Variants in CELF2 observed in about 807,000 individuals in gnomAD.
CELF2 encodes CUGBP Elav-like family member 2, also known as CUG triplet repeat RNA-binding protein 2.
In CELF2, 8 loss-of-function variants were observed where a neutral mutation model predicts 62.6. The observed-to-expected ratio is 0.13, with a 90% confidence interval of 0.07 to 0.23. The LOEUF is 0.23. Among genes scored for constraint, CELF2 ranks in the 10% least tolerant of loss-of-function variants. The probability of loss-of-function intolerance (pLI) is 1.00; values close to 1 mark genes in which losing one functional copy is unlikely to be tolerated. For missense variants in CELF2, 333 were observed against 671.0 expected (o/e 0.50, Z 5.56); for synonymous variants, 258 against 250.0 (o/e 1.03, Z -0.30).
At chr10:10,777,047 G>T in the CELF2 span, among the ~76,000 whole-genome samples, 3 of 152,028 alleles carry the variant, frequency 2.0e-5, no homozygotes, top group Non-Finnish European at 2.9e-5. Context: ...ATTCCCATGC[G>T]CTACCCGCCT....
chr10:10,678,942 G>T, the CELF2 span, among the ~76,000 whole-genome samples: 1 of 152,126 alleles, frequency 6.6e-6, no homozygotes, highest in Non-Finnish European at 1.5e-5. Context: ...CAGTAGAACA[G>T]AATTTCTAAG....
At position 10,866,774 on chromosome 10, in the gene CELF2, G is replaced by T. The variant is rs946840530; in HGVS notation, c.54-53190G>T. ...CATCTTTACTAAAAACAAAAAATTA[G>T]ATGGGCATGGTGGCAGGTACCTATA... On this transcript the variant is annotated intron_variant, in intron 1 of 13. Coordinates refer to the CELF2 transcript ENST00000636488. Among the ~76,000 whole-genome samples, 74 of 151,702 alleles carry T rather than the reference G, an allele frequency of 4.9e-4. 3 individuals carry two copies.
chr10:10,523,045 T>C, the CELF2 span, among the ~76,000 whole-genome samples: 2 of 152,190 alleles, frequency 1.3e-5, no homozygotes, highest in African/African-American at 2.4e-5. Flanking sequence ...AAAGTAAGGT[T>C]TGATTCTGGG....
At chr10:11,283,758 G>T (rs113995931) in intron 8 of CELF2, among the ~76,000 whole-genome samples, 1 of 151,910 alleles carries the variant, frequency 6.6e-6, no homozygotes, top group African/African-American at 2.4e-5. Flanking sequence ...GGCTCTGCTT[G>T]TCATTAATCA....
intron 1 of CELF2, among the ~76,000 whole-genome samples, chr10:11,089,087 T>G (rs1176215766): frequency 6.6e-6 from 1 of 152,136 alleles, no homozygotes; most frequent in Non-Finnish European, 1.5e-5. Context: ...AGTTGAACAG[T>G]GCCACTTCTG....
the CELF2 span, chr10:10,784,770 A>C: frequency 1.3e-5 from 2 of 152,202 alleles, no homozygotes; most frequent in African/African-American, 4.8e-5. Flanking sequence ...ACCTGTTCCC[A>C]TTTAGGGCCA....
chr10:10,761,954 G>GTGTGTGTGTGTA, the CELF2 span, among the ~76,000 whole-genome samples: 27 of 141,562 alleles, frequency 1.9e-4, no homozygotes, highest in East Asian at 6.1e-4. Flanking sequence ...GTGTGTGTGT[G>GTGTGTGTGTGTA]TAGACAGATA....
chr10:10,695,833 C>G, the CELF2 span, among the ~76,000 whole-genome samples: 1 of 151,790 alleles, frequency 6.6e-6, no homozygotes, highest in African/African-American at 2.4e-5. Context: ...TCACGTAGTT[C>G]TCGAGCCTTG....
chr10:11,028,331 G>C (rs944487599), intron 1 of CELF2, among the ~76,000 whole-genome samples: 1 of 152,060 alleles, frequency 6.6e-6, no homozygotes, highest in Non-Finnish European at 1.5e-5. Flanking sequence ...TCAGCCACAC[G>C]ATATGAAGGC....
chr10:10,527,490 A>C, the CELF2 span, among the ~76,000 whole-genome samples: 2 of 152,118 alleles, frequency 1.3e-5, no homozygotes, highest in East Asian at 3.8e-4. Context: ...TTTAAAAATA[A>C]AAGTATTAAT....
chr10:10,531,670 C>T, the CELF2 span, among the ~76,000 whole-genome samples: 1,447 of 152,206 alleles, frequency 9.5e-3, 25 homozygotes, highest in African/African-American at 0.034. Context: ...GTGAATTCTG[C>T]GGGAGGAAGA....
chr10:10,730,067 C>T, the CELF2 span, among the ~76,000 whole-genome samples: 23 of 152,270 alleles, frequency 1.5e-4, no homozygotes, highest in Middle Eastern at 3.4e-3. Context: ...CCCAAGATTA[C>T]GGAAGTTCTG....
the CELF2 span, among the ~76,000 whole-genome samples, chr10:10,713,264 G>C: frequency 6.6e-6 from 1 of 152,252 alleles, no homozygotes; most frequent in Admixed American, 6.5e-5. Context: ...GTCTATTCCT[G>C]AAATTATCTT....
At chr10:10,760,870 T>C in the CELF2 span, among the ~76,000 whole-genome samples, 1 of 152,154 alleles carries the variant, frequency 6.6e-6, no homozygotes, top group Non-Finnish European at 1.5e-5. Context: ...AAAAGGATAA[T>C]GATGCCAGCA....
At chr10:10,918,693 C>T (rs780967750) in intron 1 of CELF2, among the ~76,000 whole-genome samples, 38 of 152,304 alleles carry the variant, frequency 2.5e-4, no homozygotes, top group Non-Finnish European at 4.4e-4. Context: ...AGGATTGACA[C>T]ATTGGATTCA....
chr10:11,282,898 G>C (rs1440493265), intron 8 of CELF2, among the ~76,000 whole-genome samples: 1 of 152,230 alleles, frequency 6.6e-6, no homozygotes, highest in East Asian at 1.9e-4. Flanking sequence ...TCCAAGAAAC[G>C]TGAGGCCCTG....
At chr10:10,737,221 C>T in the CELF2 span, among the ~76,000 whole-genome samples, 1 of 152,132 alleles carries the variant, frequency 6.6e-6, no homozygotes. Flanking sequence ...TAATGGTTCG[C>T]ATACTGTCCC....
At chr10:10,687,342 T>A in the CELF2 span, among the ~76,000 whole-genome samples, 1 of 152,352 alleles carries the variant, frequency 6.6e-6, no homozygotes, top group Admixed American at 6.5e-5. Flanking sequence ...TTATTTCCTA[T>A]GCATTTTCTC....
intron 1 of CELF2, among the ~76,000 whole-genome samples, chr10:10,853,621 C>T (rs898883553): frequency 6.6e-6 from 1 of 151,628 alleles, no homozygotes; most frequent in African/African-American, 2.4e-5. Context: ...GTCACTTGCT[C>T]ATGAGTAAAA....
Sources: allele counts gnomAD v4.1 joint callset (sites outside exome capture counted in the v4.1 genomes callset), GRCh38; gene constraint gnomAD v4.1.1; transcripts MANE v1.5; gene names NCBI Gene and HGNC (gene_info 2026-07-23, HGNC 2026-07-21).